TULP4: variants seen among roughly 807,000 people sequenced by gnomAD.
The protein encoded by TULP4 is TUB like protein 4.
A neutral mutation model predicts 129.0 loss-of-function variants in TULP4; 16 were observed. The observed-to-expected ratio is 0.12, with a 90% CI of 0.08 to 0.19. The LOEUF (loss-of-function observed/expected upper bound fraction) is 0.19. Ranked by LOEUF, TULP4 falls within the 10% of genes least tolerant of loss-of-function variation. TULP4 has a pLI of 1.00. For missense variants in TULP4, 1,842 were observed against 2,059.1 expected, an observed-to-expected ratio of 0.89 and a Z score of 2.04; for synonymous variants, 998 against 854.0, an observed-to-expected ratio of 1.17 and a Z score of -2.94.
intron 8 of TULP4, 68 bp from the exon 9 acceptor site, chr6:158,489,520 G>A: frequency 6.3e-7 from 1 of 1,591,582 alleles, no homozygotes; most frequent in South Asian, 1.1e-5. Context: ...TTAGTTTATA[G>A]TAATGATCAT....
At chr6:158,265,345 C>A (rs528323060) in intron 1 of TULP4, among the ~76,000 whole-genome samples, 2 of 151,956 alleles carry the variant, frequency 1.3e-5, no homozygotes, top group African/African-American at 4.8e-5. Flanking sequence ...TAGAGCTTAA[C>A]CTTCTCCCAC....
intron 5 of TULP4, among the ~76,000 whole-genome samples, chr6:158,456,030 G>A (rs759420049): frequency 7.2e-5 from 11 of 152,214 alleles, no homozygotes; most frequent in Non-Finnish European, 1.3e-4. Context: ...ATGGAAAGGA[G>A]GGAAATGGGG....
At position 158,502,630 on chromosome 6, in the gene TULP4, GAAC is replaced by G; in HGVS notation, c.2971_2973del (p.Asn991del). 1.3e-6 allele frequency: 2 copies of G among 1,592,688 alleles called. No homozygotes were observed. On this transcript the variant is annotated inframe_deletion, in exon 13 of 14. Coordinates refer to ENST00000367097, the MANE Select transcript of TULP4 (RefSeq NM_020245.5). Reference sequence around the variant, plus strand: ...GCCTCATCCACGCTACCCTGCGGAGGAACAACCGTGAGGCTACGCTCAAGATGG... The same window carrying G: ...GCCTCATCCACGCTACCCTGCGGAGGAACCGTGAGGCTACGCTCAAGATGG...
chr6:158,377,239 G>A (rs1349410403), intron 1 of TULP4, among the ~76,000 whole-genome samples: 5 of 152,200 alleles, frequency 3.3e-5, no homozygotes, highest in Non-Finnish European at 7.3e-5. Flanking sequence ...ACATCTCTGT[G>A]GCTAAGTAAC....
intron 6 of TULP4, among the ~76,000 whole-genome samples, chr6:158,474,902 C>G (rs1779783390): frequency 6.6e-6 from 1 of 152,122 alleles, no homozygotes; most frequent in African/African-American, 2.4e-5. Context: ...GATACTTCAC[C>G]TGTATTTATT....
chr6:158,346,665 GT>G (rs1162985439), intron 1 of TULP4, among the ~76,000 whole-genome samples: 1 of 152,174 alleles, frequency 6.6e-6, no homozygotes, highest in African/African-American at 2.4e-5. Flanking sequence ...AAAGTTCAGT[GT>G]TTTGGGTTCT....
rs764585766 is a variant in TULP4 at position 158,503,376 on chromosome 6, G to A, written c.3713G>A (p.Cys1238Tyr). Residue 1238 changes from cysteine (C) to tyrosine (Y), a missense_variant, in exon 13 of 14, where the codon TGC (cysteine) becomes TAC (tyrosine). Physicochemically the swap from Cys to Tyr is radical, Grantham distance 194. Coordinates refer to ENST00000367097, the MANE Select transcript of TULP4 (RefSeq NM_020245.5). The surrounding 1 kb of genome is among the most constrained non-coding windows in gnomAD (Gnocchi z 4.3). ...QPLYPPSLSY[C>Y]TLPPMYPGSS... Reference sequence around the variant, plus strand: ...CTGTACCCACCCAGCCTCTCCTATTGCACCCTGCCCCCCATGTACCCAGGA... The same window carrying A: ...CTGTACCCACCCAGCCTCTCCTATTACACCCTGCCCCCCATGTACCCAGGA... 3.7e-6 allele frequency: 6 copies of A among 1,613,610 alleles called. No homozygotes were observed. Among genetic ancestry groups the A allele is most frequent in the Middle Eastern group, 3.3e-4 (2 of 6,084 alleles).
chr6:158,417,912 G>A (rs1022515347), intron 2 of TULP4, among the ~76,000 whole-genome samples: 1 of 152,066 alleles, frequency 6.6e-6, no homozygotes, highest in African/African-American at 2.4e-5. Flanking sequence ...CACCAGGGGC[G>A]GCTGTACCAG....
At chr6:158,363,939 A>G (rs759768136) in intron 1 of TULP4, among the ~76,000 whole-genome samples, 1 of 152,178 alleles carries the variant, frequency 6.6e-6, no homozygotes, top group Non-Finnish European at 1.5e-5. Flanking sequence ...CTTTATTTAG[A>G]TGTAAACCAA....
chr6:158,237,428 T>C, intron 1 of TULP4: 1 of 1,587,064 alleles, frequency 6.3e-7, no homozygotes, highest in Non-Finnish European at 8.7e-7. Context: ...CTTGGGGGTA[T>C]GATGTTACTT....
At chr6:158,251,690 GA>G (rs1187716852) in intron 1 of TULP4, among the ~76,000 whole-genome samples, 1 of 152,162 alleles carries the variant, frequency 6.6e-6, no homozygotes, top group African/African-American at 2.4e-5. Context: ...GCTTCAGGTG[GA>G]AAATGACTGC....
chr6:158,275,814 C>T (rs913796856), intron 1 of TULP4, among the ~76,000 whole-genome samples: 10 of 152,084 alleles, frequency 6.6e-5, no homozygotes, highest in South Asian at 2.1e-4. Flanking sequence ...GACAGTAACT[C>T]GTCATCTTAT....
At chr6:158,425,686 C>T (rs953892137) in intron 2 of TULP4, among the ~76,000 whole-genome samples, 20 of 152,014 alleles carry the variant, frequency 1.3e-4, no homozygotes, top group African/African-American at 3.9e-4. Context: ...TCTCTGCAAC[C>T]TCCACCTCCC....
chr6:158,416,656 T>TCA (rs1233002110), intron 2 of TULP4, among the ~76,000 whole-genome samples: 2 of 152,192 alleles, frequency 1.3e-5, no homozygotes, highest in East Asian at 3.8e-4. Flanking sequence ...AAGAACCATT[T>TCA]TTTTAATGAA....
At chr6:158,337,039 CTTTCTTTCTT>C (rs1780053837) in intron 1 of TULP4, among the ~76,000 whole-genome samples, 1 of 4,140 alleles carries the variant, frequency 2.4e-4, no homozygotes, top group African/African-American at 4.4e-4. Context: ...CTTTCTTTTT[CTTTCTTTCTT>C]TCTTTCTTTC....
chr6:158,281,042 G>C (rs1778739986), upstream of TULP4, among the ~76,000 whole-genome samples: 1 of 152,136 alleles, frequency 6.6e-6, no homozygotes, highest in Non-Finnish European at 1.5e-5. Flanking sequence ...AATGACTGGG[G>C]TGAATGGATT....
At chr6:158,396,203 A>G (rs1777711632) in intron 1 of TULP4, among the ~76,000 whole-genome samples, 1 of 152,158 alleles carries the variant, frequency 6.6e-6, no homozygotes, top group Non-Finnish European at 1.5e-5. Context: ...CATTATTATT[A>G]TTGTTGTTCT....
intron 2 of TULP4, among the ~76,000 whole-genome samples, chr6:158,424,652 G>T (rs1001431637): frequency 6.6e-6 from 1 of 152,182 alleles, no homozygotes; most frequent in African/African-American, 2.4e-5. Flanking sequence ...ATGACAAGGG[G>T]AGAAAAAAGC....
intron 3 of TULP4, among the ~76,000 whole-genome samples, chr6:158,432,386 C>T (rs1162147689): frequency 3.3e-5 from 5 of 152,142 alleles, no homozygotes; most frequent in African/African-American, 7.2e-5. Context: ...CTCAGGGGCT[C>T]TGAACGGTGG....
Sources: allele counts gnomAD v4.1 joint callset (sites outside exome capture counted in the v4.1 genomes callset), GRCh38; gene constraint gnomAD v4.1.1; non-coding constraint Gnocchi (gnomAD v3.1); transcripts MANE v1.5; gene names NCBI Gene and HGNC (gene_info 2026-07-23, HGNC 2026-07-21).